CYFIP2: variants seen among roughly 807,000 people sequenced by gnomAD.
The protein encoded by CYFIP2 is cytoplasmic FMR1-interacting protein 2.
Under a neutral mutation model 158.7 loss-of-function variants are expected in CYFIP2, and 29 were observed. The observed-to-expected ratio is 0.18, with a 90% CI of 0.14 to 0.25. CYFIP2 has a LOEUF of 0.25. Among genes scored for constraint, CYFIP2 ranks in the 10% least tolerant of loss-of-function variants. CYFIP2 has a pLI of 1.00. For missense variants in CYFIP2, 852 were observed against 1,639.5 expected, an observed-to-expected ratio of 0.52 and a Z score of 8.29; for synonymous variants, 585 against 617.6, an observed-to-expected ratio of 0.95 and a Z score of 0.78.
At chr5:157,363,902 T>A (rs1043752949) in intron 26 of CYFIP2, 1 of 152,206 alleles carries the variant, frequency 6.6e-6, no homozygotes, top group Non-Finnish European at 1.5e-5. Flanking sequence ...TGACTTGGGA[T>A]GAACCAGTTC....
At chr5:157,338,575 A>G (rs1762021195) in intron 21 of CYFIP2, among the ~76,000 whole-genome samples, 1 of 152,268 alleles carries the variant, frequency 6.6e-6, no homozygotes, top group Non-Finnish European at 1.5e-5. Flanking sequence ...AAGTTGACAC[A>G]TATAAAACTG....
At chr5:157,322,902 C>A in intron 15 of CYFIP2, 2 of 1,488,928 alleles carry the variant, frequency 1.3e-6, no homozygotes, top group Non-Finnish European at 1.8e-6. Flanking sequence ...TCTCTCCTGC[C>A]CTCCCATTCC....
At chr5:157,327,128 G>A (rs537174590) in intron 18 of CYFIP2, among the ~76,000 whole-genome samples, 1 of 152,154 alleles carries the variant, frequency 6.6e-6, no homozygotes, top group African/African-American at 2.4e-5. Context: ...CTTCATGTCT[G>A]TGTGAATTAT....
chr5:157,310,438 C>T (rs1372724543), intron 10 of CYFIP2, among the ~76,000 whole-genome samples: 3 of 152,134 alleles, frequency 2.0e-5, no homozygotes, highest in South Asian at 2.1e-4. Context: ...GGGAACCAGC[C>T]GTCCTTTAGT....
chr5:157,326,881 C>T (rs940248511), intron 18 of CYFIP2, among the ~76,000 whole-genome samples: 1 of 152,152 alleles, frequency 6.6e-6, no homozygotes, highest in Admixed American at 6.5e-5. Context: ...CTGCATACCA[C>T]GTAGGGTGTG....
At chr5:157,360,443 C>A in intron 25 of CYFIP2, 71 bp downstream of exon 25, 1 of 1,325,704 alleles carries the variant, frequency 7.5e-7, no homozygotes, top group Admixed American at 2.1e-5. Flanking sequence ...CACCTTAGAG[C>A]GTTTGCTTCT....
chr5:157,298,474 C>CT (rs1758433228), intron 5 of CYFIP2, among the ~76,000 whole-genome samples: 2 of 151,496 alleles, frequency 1.3e-5, no homozygotes, highest in African/African-American at 2.4e-5. Flanking sequence ...TAGCCAGGAC[C>CT]ACAGGTGTGT....
At chr5:157,390,105 C>T (rs1226762593) in intron 29 of CYFIP2, among the ~76,000 whole-genome samples, 9 of 152,292 alleles carry the variant, frequency 5.9e-5, no homozygotes, top group Non-Finnish European at 1.2e-4. Flanking sequence ...TGCTTCTGGC[C>T]AGTTGGCCTC....
At chr5:157,352,068 A>C (rs1173240687) in intron 23 of CYFIP2, among the ~76,000 whole-genome samples, 2 of 152,240 alleles carry the variant, frequency 1.3e-5, no homozygotes, top group Admixed American at 1.3e-4. Flanking sequence ...CAAAACTTTA[A>C]GAATATATTC....
intron 26 of CYFIP2, among the ~76,000 whole-genome samples, chr5:157,379,330 A>G (rs962424800): frequency 1.3e-5 from 2 of 152,230 alleles, no homozygotes; most frequent in African/African-American, 4.8e-5. Context: ...TGAAAGGACA[A>G]AAGACTGAGG....
intron 23 of CYFIP2, among the ~76,000 whole-genome samples, chr5:157,354,553 TG>T (rs1763284903): frequency 6.6e-6 from 1 of 151,518 alleles, no homozygotes; most frequent in Non-Finnish European, 1.5e-5. Flanking sequence ...CTTGCATGCG[TG>T]GGGTATATTT....
chr5:157,344,956 G>C (rs1762571423), intron 23 of CYFIP2, among the ~76,000 whole-genome samples: 1 of 152,204 alleles, frequency 6.6e-6, no homozygotes, highest in Non-Finnish European at 1.5e-5. Flanking sequence ...TTTTTCTTCT[G>C]TAAGGGTAAC....
rs1354808379 is a variant in CYFIP2, at chr5:157,311,275, CT to C, written c.993-388del. ...AAAGCCAGCTTCAACCGCAGAGTGTCTGTGCTGTCAGAGTGGGTAGGCTGGT... is the reference window on the plus strand; with the variant it reads ...AAAGCCAGCTTCAACCGCAGAGTGTCGTGCTGTCAGAGTGGGTAGGCTGGT... On this transcript the variant is annotated intron_variant, in intron 10 of 30. Transcript: ENST00000620254. The surrounding 1 kb of genome is among the most constrained non-coding windows in gnomAD (Gnocchi z 4.7). 4.0e-5 allele frequency: 15 copies of C among 370,932 alleles called. No individual in the cohort carries two copies. The East Asian group carries it at 1.1e-3, about 26-fold the overall frequency. 23.0% of individuals were successfully genotyped at this position (370,932 alleles called of 1,614,324 possible).
chr5:157,296,628 A>G, intron 4 of CYFIP2, 45 bp from the exon 5 acceptor site: 1 of 1,556,716 alleles, frequency 6.4e-7, no homozygotes, highest in Non-Finnish European at 8.9e-7. Flanking sequence ...GTAATAAGAC[A>G]ACAGGTGTAA....
At chr5:157,290,377 C>T (rs1353684036) in intron 3 of CYFIP2, among the ~76,000 whole-genome samples, 1 of 152,200 alleles carries the variant, frequency 6.6e-6, no homozygotes. Context: ...TGGCCCCCAG[C>T]CAGCAGTGAC....
At chr5:157,289,302 G>A (rs530975935) in intron 3 of CYFIP2, among the ~76,000 whole-genome samples, 21 of 152,356 alleles carry the variant, frequency 1.4e-4, no homozygotes, top group African/African-American at 5.1e-4. Flanking sequence ...TTTTCGAGGA[G>A]TGACTGGTAT....
chr5:157,368,099 T>C (rs531715332), intron 26 of CYFIP2, among the ~76,000 whole-genome samples: 3 of 152,314 alleles, frequency 2.0e-5, no homozygotes, highest in Non-Finnish European at 4.4e-5. Flanking sequence ...CCAGATGTTT[T>C]TATGTTCTAG....
intron 26 of CYFIP2, chr5:157,364,851 C>G (rs1011273152): frequency 1.3e-5 from 2 of 151,688 alleles, no homozygotes; most frequent in African/African-American, 4.8e-5. Flanking sequence ...AGGAAAGATG[C>G]CTAATGGCCA....
rs1758241489 is a variant in CYFIP2 at position 157,296,164 on chromosome 5, C to T, written c.286-509C>T. ...TTGGGACCAACTGGTTCCTTTCCTG[C>T]AGCCAATGTCTGCGGAGCACTTCTG... On this transcript the variant is annotated intron_variant, in intron 4 of 30. Coordinates refer to ENST00000620254, the MANE Select transcript of CYFIP2 (RefSeq NM_001037333.3). 2.0e-5 allele frequency among the ~76,000 whole-genome samples: 3 copies of T among 152,350 alleles called. No individual in the cohort carries two copies. In the South Asian group the frequency reaches 6.2e-4, roughly 32 times the overall value.
Sources: gnomAD v4.1 joint callset for allele counts (sites outside exome capture counted in the v4.1 genomes callset) on GRCh38, gnomAD v4.1.1 for gene constraint, Gnocchi (gnomAD v3.1) non-coding constraint, MANE v1.5 for transcripts, NCBI Gene and HGNC (gene_info 2026-07-23, HGNC 2026-07-21) for gene names.